The following ROCK2 variants were observed in gnomAD, a reference collection of about 807,000 sequenced individuals.
ROCK2 encodes the protein rho-associated protein kinase 2.
Under a neutral mutation model 195.1 loss-of-function variants are expected in ROCK2, and 61 were observed. The observed-to-expected ratio is 0.31, with a 90% CI of 0.25 to 0.39. The LOEUF (loss-of-function observed/expected upper bound fraction) is 0.39, where lower values mean the gene tolerates loss of function less well. Among genes scored for constraint, ROCK2 ranks in the 10% least tolerant of loss-of-function variants. The pLI is 1.00. For synonymous variants in ROCK2, 504 were observed against 545.5 expected, an observed-to-expected ratio of 0.92 and a Z score of 1.06; for missense variants, 1,109 against 1,637.4, an observed-to-expected ratio of 0.68 and a Z score of 5.57.
intron 32 of ROCK2, among the ~76,000 whole-genome samples, chr2:11,184,937 C>T (rs1303410136): frequency 6.6e-6 from 1 of 152,090 alleles, no homozygotes; most frequent in Non-Finnish European, 1.5e-5. Context: ...GAAGCCTTGC[C>T]CTTTATATAT....
At chr2:11,293,213 G>A (rs570146107) in intron 1 of ROCK2, among the ~76,000 whole-genome samples, 1 of 152,150 alleles carries the variant, frequency 6.6e-6, no homozygotes, top group African/African-American at 2.4e-5. Context: ...GCCATTTAGT[G>A]GCAACTTAAA....
intron 1 of ROCK2, among the ~76,000 whole-genome samples, chr2:11,298,066 T>G (rs1667591256): frequency 6.6e-6 from 1 of 152,110 alleles, no homozygotes; most frequent in Admixed American, 6.5e-5. Flanking sequence ...TTGTAAAAAT[T>G]TATCAAGCTG....
intron 3 of ROCK2, among the ~76,000 whole-genome samples, chr2:11,252,712 A>G (rs1443254517): frequency 1.3e-5 from 2 of 152,080 alleles, no homozygotes; most frequent in African/African-American, 4.8e-5. Flanking sequence ...CAGAAAACCA[A>G]ACACCGCAGG....
intron 4 of ROCK2, among the ~76,000 whole-genome samples, chr2:11,240,573 AG>A (rs1448629478): frequency 6.6e-6 from 1 of 152,220 alleles, no homozygotes; most frequent in African/African-American, 2.4e-5. Context: ...GCAAACCTAC[AG>A]GGACAGAAAG....
intron 4 of ROCK2, among the ~76,000 whole-genome samples, chr2:11,249,411 C>A (rs569693523): frequency 6.6e-6 from 1 of 152,274 alleles, no homozygotes; most frequent in Admixed American, 6.5e-5. Flanking sequence ...CAAGCCAATT[C>A]TTTATCAAGA....
intron 1 of ROCK2, among the ~76,000 whole-genome samples, chr2:11,290,786 G>T (rs1025596399): frequency 6.6e-6 from 1 of 152,128 alleles, no homozygotes; most frequent in Admixed American, 6.5e-5. Flanking sequence ...GAGAAAATCA[G>T]TACCCGGAGT....
intron 3 of ROCK2, among the ~76,000 whole-genome samples, chr2:11,286,292 T>C (rs1417244213): frequency 2.2e-5 from 3 of 134,486 alleles, no homozygotes; most frequent in Non-Finnish European, 4.9e-5. Context: ...TCTGGTGGAA[T>C]AGTAACTGCT....
intron 3 of ROCK2, among the ~76,000 whole-genome samples, chr2:11,262,961 T>A (rs1392633183): frequency 6.6e-6 from 1 of 152,180 alleles, no homozygotes; most frequent in East Asian, 1.9e-4. Flanking sequence ...AGTTACTGTT[T>A]CTACCATAGA....
At chr2:11,273,667 A>T (rs892491700) in intron 3 of ROCK2, among the ~76,000 whole-genome samples, 10 of 152,176 alleles carry the variant, frequency 6.6e-5, no homozygotes, top group African/African-American at 2.2e-4. Context: ...CAGAACACAT[A>T]ATAACATATA....
At position 11,287,714 on chromosome 2, in the gene ROCK2, A is replaced by T; in HGVS notation, c.164T>A (p.Leu55His). 1 of 1,330,176 alleles carries T rather than the reference A, an allele frequency of 7.5e-7. No homozygotes were observed. Among genetic ancestry groups the T allele is most frequent in the Non-Finnish European group, 1.0e-6 (1 of 995,178 alleles). The allele number at this position is 1,330,176 out of a possible 1,614,324, so 82.4% of individuals were successfully genotyped here. A position where few individuals can be genotyped will look rare whatever the true frequency, so the allele number is the denominator to read the frequency against. ...SLLDGLNSLV[L>H]DLDFPALRKN... ...CCTCAAAGCAGGAAAATCTAAATCAAGGACCAAGGAATTTAAGCCATCCTG... is the reference window on the plus strand; with the variant it reads ...CCTCAAAGCAGGAAAATCTAAATCATGGACCAAGGAATTTAAGCCATCCTG... Residue 55 changes from leucine (L) to histidine (H), a missense_variant, in exon 2 of 33, where the codon CTT becomes CAT. Leu to His is a moderately conservative substitution (Grantham distance 99). This residue lies in a region of ROCK2 where 253 missense variants were observed against 455.5 expected (regional missense o/e 0.56). Transcript: ENST00000315872.
At chr2:11,264,909 T>C (rs1254483764) in intron 3 of ROCK2, among the ~76,000 whole-genome samples, 3 of 152,194 alleles carry the variant, frequency 2.0e-5, no homozygotes, top group Non-Finnish European at 2.9e-5. Flanking sequence ...GTGAAGTCTA[T>C]ATTTATTGAC....
chr2:11,274,275 CAG>C (rs1301894577), intron 3 of ROCK2, among the ~76,000 whole-genome samples: 4 of 151,762 alleles, frequency 2.6e-5, no homozygotes, highest in Admixed American at 6.6e-5. Context: ...AAAGATAAAA[CAG>C]AGAACACAAC....
intron 20 of ROCK2, among the ~76,000 whole-genome samples, chr2:11,204,744 T>C (rs1663989859): frequency 6.6e-6 from 1 of 152,240 alleles, no homozygotes; most frequent in South Asian, 2.1e-4. Context: ...TCCTTTTACA[T>C]TGTGTCTGGT....
At chr2:11,221,019 A>G (rs924776018) in intron 9 of ROCK2, among the ~76,000 whole-genome samples, 179 bp downstream of exon 9, 1 of 152,242 alleles carries the variant, frequency 6.6e-6, no homozygotes, top group Non-Finnish European at 1.5e-5. Context: ...AATAACTTAT[A>G]AATGAATAAC....
At chr2:11,304,622 C>T (rs984089375) in intron 1 of ROCK2, among the ~76,000 whole-genome samples, 1 of 152,166 alleles carries the variant, frequency 6.6e-6, no homozygotes, top group Non-Finnish European at 1.5e-5. Flanking sequence ...CTGTTCAAAA[C>T]CTCCAACGGC....
intron 1 of ROCK2, among the ~76,000 whole-genome samples, chr2:11,333,131 T>C (rs1668819853): frequency 6.6e-6 from 1 of 152,208 alleles, no homozygotes. Context: ...ACACTTACAA[T>C]GGAAGACATT....
rs1249213496 is a variant in ROCK2 at position 11,225,422 on chromosome 2, ATTTTATT to A, written c.869-969_869-963del. Among the ~76,000 whole-genome samples, 21 of 152,112 alleles carry A rather than the reference ATTTTATT, an allele frequency of 1.4e-4. No individual in the cohort carries two copies. The Middle Eastern group carries it at 0.01, about 74-fold the overall frequency. On this transcript the variant is annotated intron_variant, in intron 6 of 32. Coordinates refer to ENST00000315872, the MANE Select transcript of ROCK2 (RefSeq NM_004850.5). ...GGTGGAGGGAAGTGATGAATTCAAG[ATTTTATT>A]TTTTATTTTTTAATTTATTTTTTAA...
chr2:11,286,643 C>T lies in ROCK2; in HGVS notation c.224-4G>A. On this transcript the variant is annotated splice_polypyrimidine_tract_variant and splice_region_variant and intron_variant, in intron 2 of 32. Coordinates refer to ENST00000315872, the MANE Select transcript of ROCK2 (RefSeq NM_004850.5). ...ATTTTTTTCACAATTTTCTCATCTA[C>T]CATAAAAAGATCACCATACTTATAA... The T allele has an allele frequency of 6.8e-7, 1 of 1,472,728 alleles. No homozygotes were observed. The highest frequency in any genetic ancestry group is 9.5e-7 in the Non-Finnish European group (1 of 1,055,212). 91.2% of individuals were successfully genotyped at this position (1,472,728 alleles called of 1,614,324 possible).
intron 3 of ROCK2, among the ~76,000 whole-genome samples, chr2:11,281,885 T>C (rs1370134246): frequency 2.0e-5 from 3 of 152,112 alleles, no homozygotes; most frequent in Non-Finnish European, 4.4e-5. Context: ...GTCCATGTTC[T>C]TGGATGTGAA....
Sources: gnomAD v4.1 joint callset for allele counts (sites outside exome capture counted in the v4.1 genomes callset) on GRCh38, gnomAD v4.1.1 for gene constraint, gnomAD v4.1.1 regional missense constraint, MANE v1.5 for transcripts, NCBI Gene and HGNC (gene_info 2026-07-23, HGNC 2026-07-21) for gene names.